Variants in CNTN5 observed in about 807,000 individuals in gnomAD.
CNTN5 encodes contactin-5.
Under a neutral mutation model 129.1 loss-of-function variants are expected in CNTN5, and 77 were observed. That is an observed-to-expected ratio of 0.60 (90% CI 0.50 to 0.72). The LOEUF (loss-of-function observed/expected upper bound fraction) is 0.72. CNTN5 is among the 30% of genes least tolerant of loss of function. The pLI is 0.00. For missense variants in CNTN5, 1,478 were observed against 1,328.8 expected (o/e 1.11, Z -1.75); for synonymous variants, 509 against 465.6 (o/e 1.09, Z -1.20).
At chr11:100,332,735 A>C (rs191392395) in intron 21 of CNTN5, among the ~76,000 whole-genome samples, 1 of 152,332 alleles carries the variant, frequency 6.6e-6, no homozygotes, top group Admixed American at 6.5e-5. Flanking sequence ...AGCATTTGAC[A>C]AAATCCAGCA....
intron 7 of CNTN5, among the ~76,000 whole-genome samples, chr11:99,955,184 AT>A (rs1444852139): frequency 2.6e-5 from 4 of 151,032 alleles, no homozygotes; most frequent in Non-Finnish European, 5.9e-5. Context: ...ATATTAAAAA[AT>A]ATATGAATTA....
intron 7 of CNTN5, among the ~76,000 whole-genome samples, chr11:99,938,927 T>C (rs1212482295): frequency 1.3e-5 from 2 of 152,108 alleles, no homozygotes; most frequent in Non-Finnish European, 2.9e-5. Flanking sequence ...TTGCCTTATA[T>C]CTGAATTAGT....
intron 3 of CNTN5, among the ~76,000 whole-genome samples, chr11:99,780,205 C>A (rs1945265665): frequency 6.6e-6 from 1 of 151,968 alleles, no homozygotes; most frequent in Admixed American, 6.6e-5. Context: ...TTAATTAAGC[C>A]TTTTGCATGC....
chr11:99,177,218 C>A (rs760814322), intron 1 of CNTN5, among the ~76,000 whole-genome samples: 14 of 152,284 alleles, frequency 9.2e-5, no homozygotes, highest in Non-Finnish European at 1.0e-4. Flanking sequence ...CTACTCAATA[C>A]TTCTGGTCCC....
At chr11:100,019,176 T>G (rs2123691) in intron 9 of CNTN5, among the ~76,000 whole-genome samples, 79,672 of 151,446 alleles carry the variant, frequency 0.53, 21,547 homozygotes, top group East Asian at 0.73. Context: ...CAATTTTTTG[T>G]GGGGATTGAG....
intron 3 of CNTN5, among the ~76,000 whole-genome samples, chr11:99,640,544 A>G (rs1329292944): frequency 1.3e-5 from 2 of 152,188 alleles, no homozygotes; most frequent in Non-Finnish European, 2.9e-5. Flanking sequence ...ATTCTGGGAG[A>G]TAAAATTCCA....
At chr11:99,162,358 T>C (rs1280761665) in intron 1 of CNTN5, among the ~76,000 whole-genome samples, 4 of 152,144 alleles carry the variant, frequency 2.6e-5, no homozygotes, top group Non-Finnish European at 5.9e-5. Context: ...GCTTCGCTTT[T>C]AGATGAACTC....
rs1397177049 is a variant in CNTN5, at chr11:99,393,063, A to G, written c.-71+67579A>G. Among the ~76,000 whole-genome samples the G allele has an allele frequency of 5.9e-5, 9 of 151,840 alleles. No individual in the cohort carries two copies. The South Asian group carries it at 8.3e-4, about 14-fold the overall frequency. Reference sequence around the variant, plus strand: ...TTAAGTGGTTTAAAAACATTTTGCTATAGAAACCCAGAGATGAAATATTAA... The same window carrying G: ...TTAAGTGGTTTAAAAACATTTTGCTGTAGAAACCCAGAGATGAAATATTAA... On this transcript the variant is annotated intron_variant, in intron 2 of 24. Transcript: ENST00000524871.
At chr11:99,852,778 A>G (rs1301988692) in intron 6 of CNTN5, among the ~76,000 whole-genome samples, 1 of 152,318 alleles carries the variant, frequency 6.6e-6, no homozygotes, top group East Asian at 1.9e-4. Flanking sequence ...TTCAAGTTGT[A>G]AAGTAACAAG....
intron 3 of CNTN5, among the ~76,000 whole-genome samples, chr11:99,750,025 C>A (rs1944179320): frequency 6.6e-6 from 1 of 152,176 alleles, no homozygotes; most frequent in Non-Finnish European, 1.5e-5. Flanking sequence ...CAAAAGTGAA[C>A]TACAGCATAG....
At chr11:99,456,722 C>T (rs901329356) in intron 2 of CNTN5, among the ~76,000 whole-genome samples, 7 of 152,126 alleles carry the variant, frequency 4.6e-5, no homozygotes, top group African/African-American at 1.7e-4. Flanking sequence ...ACAACGACAA[C>T]AACAGAAAGC....
chr11:99,584,132 A>G (rs1466368053), intron 3 of CNTN5, among the ~76,000 whole-genome samples: 1 of 152,232 alleles, frequency 6.6e-6, no homozygotes, highest in Non-Finnish European at 1.5e-5. Flanking sequence ...TGGGTTCTTC[A>G]AACTAATTTT....
intron 1 of CNTN5, among the ~76,000 whole-genome samples, chr11:99,058,109 A>G (rs1223090598): frequency 6.6e-6 from 1 of 151,990 alleles, no homozygotes; most frequent in Non-Finnish European, 1.5e-5. Context: ...GACGACAGAA[A>G]GAAAATTCGG....
At chr11:100,036,753 G>T (rs1180753284) in intron 9 of CNTN5, among the ~76,000 whole-genome samples, 1 of 149,066 alleles carries the variant, frequency 6.7e-6, no homozygotes, top group Non-Finnish European at 1.5e-5. Flanking sequence ...GTTCACTCAT[G>T]ATTTGGCTCT....
chr11:99,801,306 A>C (rs566929745), intron 3 of CNTN5, among the ~76,000 whole-genome samples: 17 of 152,282 alleles, frequency 1.1e-4, no homozygotes, highest in African/African-American at 4.1e-4. Flanking sequence ...GTCTGCAGTT[A>C]ATCTGATGAG....
rs909647470 is a variant in CNTN5 at position 99,762,889 on chromosome 11, C to A, written c.56-56655C>A. 7.2e-5 allele frequency among the ~76,000 whole-genome samples: 11 copies of A among 152,066 alleles called. No homozygotes were observed. In the East Asian group the frequency reaches 1.7e-3, roughly 24 times the overall value. Reference sequence around the variant, plus strand: ...CACATCCTTAAGATTCTTATGAATTCTTTTCTTGTGAATTCATGGGAACAC... The same window carrying A: ...CACATCCTTAAGATTCTTATGAATTATTTTCTTGTGAATTCATGGGAACAC... On this transcript the variant is annotated intron_variant, in intron 3 of 24. Transcript: ENST00000524871.
intron 6 of CNTN5, among the ~76,000 whole-genome samples, chr11:99,891,501 C>G (rs1199193338): frequency 2.0e-5 from 3 of 151,934 alleles, no homozygotes; most frequent in African/African-American, 7.3e-5. Flanking sequence ...CCCCAACAGG[C>G]CCAGGTATGT....
chr11:99,321,761 C>A (rs992677286), intron 1 of CNTN5, among the ~76,000 whole-genome samples: 28 of 152,128 alleles, frequency 1.8e-4, no homozygotes, highest in African/African-American at 6.8e-4. Flanking sequence ...AGTGGGTGAT[C>A]TCAGTGTAGC....
chr11:99,111,244 A>G (rs1857781120), intron 1 of CNTN5, among the ~76,000 whole-genome samples: 2 of 151,926 alleles, frequency 1.3e-5, no homozygotes, highest in African/African-American at 4.8e-5. Context: ...CATCAGTTCC[A>G]TCTTGTGTCT....
Sources: gnomAD v4.1 joint callset for allele counts (sites outside exome capture counted in the v4.1 genomes callset) on GRCh38, gnomAD v4.1.1 for gene constraint, MANE v1.5 for transcripts, NCBI Gene and HGNC (gene_info 2026-07-23, HGNC 2026-07-21) for gene names.